Variants in DIAPH2 observed in about 807,000 individuals in gnomAD.
DIAPH2 encodes diaphanous related formin 2, also known as protein diaphanous homolog 2.
DIAPH2 carries 35 observed loss-of-function variants against 92.7 expected under a neutral mutation model. The observed-to-expected ratio is 0.38, with a 90% confidence interval of 0.29 to 0.50. The LOEUF (loss-of-function observed/expected upper bound fraction) is 0.50. DIAPH2 is among the 20% of genes least tolerant of loss of function. The pLI, the probability that DIAPH2 is intolerant of heterozygous loss-of-function variation, is 0.94. For synonymous variants in DIAPH2, 301 were observed against 280.4 expected, an observed-to-expected ratio of 1.07 and a Z score of -0.73; for missense variants, 701 against 819.5, an observed-to-expected ratio of 0.86 and a Z score of 1.77.
intron 23 of DIAPH2, among the ~76,000 whole-genome samples, chrX:97,337,003 T>A (rs1349060449): frequency 9.0e-6 from 1 of 111,567 alleles, no homozygotes; most frequent in African/African-American, 3.3e-5. Context: ...TTTTTATCTT[T>A]CTGGTAGCAT....
chrX:97,409,371 A>C (rs1437488026), intron 25 of DIAPH2, among the ~76,000 whole-genome samples: 1 of 111,803 alleles, frequency 8.9e-6, no homozygotes, highest in Non-Finnish European at 1.9e-5. Flanking sequence ...CTGAAATGGG[A>C]CTGAGCATGA....
chrX:97,240,687 C>T (rs1379027725), intron 22 of DIAPH2, among the ~76,000 whole-genome samples: 2 of 110,220 alleles, frequency 1.8e-5, no homozygotes, highest in Non-Finnish European at 3.8e-5. Flanking sequence ...ATTTTTTTCC[C>T]GTAGATTACA....
intron 5 of DIAPH2, among the ~76,000 whole-genome samples, chrX:96,886,134 G>A (rs1456104899): frequency 1.8e-5 from 2 of 109,264 alleles, no homozygotes; most frequent in African/African-American, 3.3e-5. Flanking sequence ...ATATGCTATA[G>A]CCTAGTTCTA....
intron 26 of DIAPH2, among the ~76,000 whole-genome samples, chrX:97,518,218 G>C (rs1389304903): frequency 8.9e-6 from 1 of 111,851 alleles, no homozygotes; most frequent in African/African-American, 3.2e-5. Flanking sequence ...ATTTTGTTCT[G>C]TTCTTTCTTA....
At chrX:97,409,187 A>G (rs749822172) in intron 25 of DIAPH2, among the ~76,000 whole-genome samples, 2 of 112,116 alleles carry the variant, frequency 1.8e-5, no homozygotes, top group African/African-American at 6.5e-5. Flanking sequence ...AAGACCATGC[A>G]TAGATTCCAA....
chrX:97,569,651 G>A (rs1472050492), intron 26 of DIAPH2, among the ~76,000 whole-genome samples: 1 of 111,095 alleles, frequency 9.0e-6, no homozygotes. Flanking sequence ...CCTGAATGTT[G>A]TATTATTATA....
chrX:97,405,359 G>T (rs769514053), intron 25 of DIAPH2, among the ~76,000 whole-genome samples: 5 of 111,760 alleles, frequency 4.5e-5, no homozygotes, highest in Admixed American at 2.8e-4. Context: ...CTTGCAAAAC[G>T]GTTCCTAAGC....
chrX:97,447,330 C>T (rs1164715925), intron 26 of DIAPH2, among the ~76,000 whole-genome samples: 1 of 110,974 alleles, frequency 9.0e-6, no homozygotes, highest in African/African-American at 3.3e-5. Context: ...TACGGGCTAT[C>T]ATTTCTTCCT....
intron 22 of DIAPH2, among the ~76,000 whole-genome samples, chrX:97,170,667 C>T (rs996630453): frequency 5.4e-5 from 6 of 110,763 alleles, no homozygotes; most frequent in African/African-American, 2.0e-4. Flanking sequence ...TTACCTGTTA[C>T]AAAAGTAATA....
chrX:97,441,589 A>C (rs1602592202), intron 26 of DIAPH2, among the ~76,000 whole-genome samples: 1 of 111,809 alleles, frequency 8.9e-6, no homozygotes, highest in African/African-American at 3.3e-5. Context: ...AGGCTGAGGC[A>C]GGCGGATCAC....
intron 26 of DIAPH2, among the ~76,000 whole-genome samples, chrX:97,574,610 C>A (rs1364363861): frequency 9.0e-6 from 1 of 111,596 alleles, no homozygotes; most frequent in Non-Finnish European, 1.9e-5. Context: ...GGAAGAGAAG[C>A]ATGATCCAAG....
intron 17 of DIAPH2, among the ~76,000 whole-genome samples, chrX:97,067,646 A>G (rs963713590): frequency 8.9e-6 from 1 of 111,847 alleles, no homozygotes; most frequent in African/African-American, 3.2e-5. Context: ...ATACTCATCC[A>G]TCAACAATAC....
rs142081613 is a variant in DIAPH2, at chrX:96,750,584, C to T, written c.343-7570C>T. On this transcript the variant is annotated intron_variant, in intron 3 of 26. Transcript: ENST00000324765. The stretch of plus-strand genomic sequence containing the variant: ...CTTCCCTCATAGTTTTTCCACAAAA[C>T]CTCTTTTTATTAAATAAATCATTTA... Among the ~76,000 whole-genome samples the T allele has an allele frequency of 7.9e-3, 877 of 111,587 alleles. 7 individuals carry two copies. The highest frequency in any genetic ancestry group is 0.028 in the African/African-American group (850 of 30,740).
At chrX:96,935,437 CAT>C (rs1569430050) in intron 10 of DIAPH2, among the ~76,000 whole-genome samples, 1 of 110,903 alleles carries the variant, frequency 9.0e-6, no homozygotes, top group African/African-American at 3.3e-5. Flanking sequence ...GAATCAAAAC[CAT>C]ATACAGTAGG....
chrX:97,524,639 A>G (rs2071012796), intron 26 of DIAPH2, among the ~76,000 whole-genome samples: 1 of 112,175 alleles, frequency 8.9e-6, no homozygotes, highest in South Asian at 3.7e-4. Flanking sequence ...TCATCTCCAT[A>G]GTTGTGGATT....
At chrX:97,409,235 G>C (rs1049067457) in intron 25 of DIAPH2, among the ~76,000 whole-genome samples, 2 of 111,914 alleles carry the variant, frequency 1.8e-5, no homozygotes, top group Non-Finnish European at 3.8e-5. Context: ...ATTGGGATAA[G>C]AAGTCATTAG....
intron 23 of DIAPH2, among the ~76,000 whole-genome samples, chrX:97,306,006 G>T (rs1602494819): frequency 2.8e-5 from 3 of 105,468 alleles, no homozygotes. Flanking sequence ...AAAAAGGTTT[G>T]CCTGTAAAAT....
chrX:97,165,430 T>G (rs2067404393), intron 22 of DIAPH2, among the ~76,000 whole-genome samples: 1 of 112,267 alleles, frequency 8.9e-6, no homozygotes, highest in South Asian at 3.7e-4. Flanking sequence ...TTTGTTTGTT[T>G]GTAAACATTT....
intron 22 of DIAPH2, among the ~76,000 whole-genome samples, chrX:97,167,962 C>G (rs1014072083): frequency 9.0e-6 from 1 of 111,670 alleles, no homozygotes; most frequent in Non-Finnish European, 1.9e-5. Flanking sequence ...TGAAATATTA[C>G]AGATACAAAC....
Sources: allele counts gnomAD v4.1 joint callset (sites outside exome capture counted in the v4.1 genomes callset), GRCh38; gene constraint gnomAD v4.1.1; transcripts MANE v1.5; gene names NCBI Gene and HGNC (gene_info 2026-07-23, HGNC 2026-07-21).